TRIO: variants seen among roughly 807,000 people sequenced by gnomAD.
TRIO encodes triple functional domain protein.
In TRIO, 58 loss-of-function variants were observed where a neutral mutation model predicts 351.9. The ratio of observed to expected loss-of-function variants is 0.16; its 90% CI spans 0.13 to 0.21. The LOEUF (loss-of-function observed/expected upper bound fraction) is 0.21. Among genes scored for constraint, TRIO ranks in the 10% least tolerant of loss-of-function variants. TRIO has a pLI of 1.00. For missense variants in TRIO, 3,201 were observed against 4,027.8 expected (o/e 0.79, Z 5.56); for synonymous variants, 1,758 against 1,595.7 (o/e 1.10, Z -2.42).
chr5:14,359,009 A>G (rs892886344), intron 12 of TRIO, among the ~76,000 whole-genome samples: 3 of 152,254 alleles, frequency 2.0e-5, no homozygotes, highest in Admixed American at 6.5e-5. Flanking sequence ...TCTCGTGTCC[A>G]ATATGACTCT....
chr5:14,418,432 CAGAG>C (rs1391892370), intron 33 of TRIO, among the ~76,000 whole-genome samples: 1 of 152,090 alleles, frequency 6.6e-6, no homozygotes. Flanking sequence ...TATGGGAGTG[CAGAG>C]AAAGGAAGTG....
chr5:14,480,198 T>G (rs553127018), intron 43 of TRIO, among the ~76,000 whole-genome samples, 187 bp downstream of exon 43: 93 of 152,236 alleles, frequency 6.1e-4, no homozygotes, highest in African/African-American at 2.1e-3. Context: ...CGGGACAGAC[T>G]CTGGTGTCAG....
rs1278495904 is a variant in TRIO at position 14,347,391 on chromosome 5, G to GCGGACC, written c.2046+10664_2046+10665insCGGACC. On this transcript the variant is annotated intron_variant, in intron 11 of 56. Transcript: ENST00000344204. ...GATGATGCTGGACCAGTCATCTCAG[G>GCGGACC]TGGACCTGAGGTCCTGCAGAACAGA... is the stretch of plus-strand genomic sequence containing the variant. 6.8e-4 allele frequency among the ~76,000 whole-genome samples: 99 copies of GCGGACC among 145,644 alleles called. 37 individuals carry two copies. Among genetic ancestry groups the GCGGACC allele is most frequent in the Admixed American group, 8.1e-4 (12 of 14,754 alleles).
chr5:14,409,051 G>T (rs1273652904), intron 33 of TRIO, among the ~76,000 whole-genome samples: 1 of 152,010 alleles, frequency 6.6e-6, no homozygotes, highest in Non-Finnish European at 1.5e-5. Context: ...TCCAGGAAGG[G>T]GCTCTGGAGT....
chr5:14,470,156 A>G (rs2126544670), intron 37 of TRIO, among the ~76,000 whole-genome samples: 1 of 152,338 alleles, frequency 6.6e-6, no homozygotes, highest in South Asian at 2.1e-4. Context: ...TTTCAAAAAT[A>G]AGATCAGCAG....
intron 16 of TRIO, 128 bp from the exon 17 acceptor site, chr5:14,368,580 C>A (rs1744802176): frequency 1.0e-6 from 1 of 988,012 alleles, no homozygotes; most frequent in Non-Finnish European, 1.5e-6. Flanking sequence ...TAGAAGCATC[C>A]TAGTGAGTAT....
chr5:14,221,771 A>C (rs1351462321), intron 1 of TRIO, among the ~76,000 whole-genome samples: 1 of 151,824 alleles, frequency 6.6e-6, no homozygotes, highest in African/African-American at 2.4e-5. Context: ...TTTGAGATGG[A>C]ATCTACACTT....
chr5:14,300,914 A>G (rs1191986450), intron 7 of TRIO, among the ~76,000 whole-genome samples: 1 of 152,176 alleles, frequency 6.6e-6, no homozygotes, highest in African/African-American at 2.4e-5. Context: ...AATCTAGGAA[A>G]TTTCCGTCCC....
chr5:14,221,804 T>C (rs1474036550), intron 1 of TRIO, among the ~76,000 whole-genome samples: 1 of 152,232 alleles, frequency 6.6e-6, no homozygotes, highest in African/African-American at 2.4e-5. Context: ...GTGAACTTGG[T>C]TGAAGTGACA....
chr5:14,212,670 A>G (rs114553568), intron 1 of TRIO, among the ~76,000 whole-genome samples: 2,241 of 152,220 alleles, frequency 0.015, 38 homozygotes, highest in African/African-American at 0.05. Flanking sequence ...TGTCCCCCCA[A>G]TCCCCAAAAT....
Position 14,359,373 on chromosome 5 carries a change from A to G in TRIO, c.2233A>G (p.Ser745Gly). 6.2e-7 allele frequency: 1 copy of G among 1,613,534 alleles called. No individual in the cohort carries two copies. Among genetic ancestry groups the G allele is most frequent in the South Asian group, 1.1e-5 (1 of 91,076 alleles). The change falls in exon 13 of 57, where the codon AGT (serine) becomes GGT (glycine). Residue 745 changes from serine to glycine, a missense_variant. By Grantham distance (56) the Ser-to-Gly change is moderately conservative (BLOSUM62 0). Transcript: ENST00000344204. ...CTCTCGCAGGGACTCTGCCATCTCC[A>G]GTAACAAGACCCCCCACAACAGCTC... is the stretch of plus-strand genomic sequence containing the variant. ...IQQLRDSAIS[S>G]NKTPHNSSIN...
At chr5:14,494,904 A>C (rs1756762473) in intron 49 of TRIO, among the ~76,000 whole-genome samples, 1 of 152,214 alleles carries the variant, frequency 6.6e-6, no homozygotes, top group South Asian at 2.1e-4. Context: ...GTCTCAAAAA[A>C]AGGAAAAGAA....
At chr5:14,179,735 C>A (rs1789636525) in intron 1 of TRIO, among the ~76,000 whole-genome samples, 1 of 152,190 alleles carries the variant, frequency 6.6e-6, no homozygotes, top group South Asian at 2.1e-4. Context: ...CACACCCAGC[C>A]TCAATCTGGA....
chr5:14,203,396 C>A (rs555160548), intron 1 of TRIO, among the ~76,000 whole-genome samples: 1 of 152,280 alleles, frequency 6.6e-6, no homozygotes, highest in South Asian at 2.1e-4. Context: ...ACTACAAAAG[C>A]CTTACAAAAC....
At chr5:14,323,047 A>G (rs1740028955) in intron 9 of TRIO, among the ~76,000 whole-genome samples, 1 of 152,128 alleles carries the variant, frequency 6.6e-6, no homozygotes, top group African/African-American at 2.4e-5. Context: ...TGCAGATTTA[A>G]CAGTGAGAGG....
intron 40 of TRIO, among the ~76,000 whole-genome samples, chr5:14,474,402 G>A (rs922425953): frequency 9.9e-5 from 15 of 152,182 alleles, no homozygotes; most frequent in Non-Finnish European, 1.8e-4. Context: ...CGAGCCCTCG[G>A]CCTCCCTGCT....
chr5:14,223,952 TGA>T (rs899745579), intron 1 of TRIO, among the ~76,000 whole-genome samples: 2 of 152,190 alleles, frequency 1.3e-5, no homozygotes, highest in African/African-American at 4.8e-5. Flanking sequence ...ATGCTTGTCT[TGA>T]TATCCAGGAA....
chr5:14,299,976 G>T (rs1262713015), intron 7 of TRIO, among the ~76,000 whole-genome samples: 2 of 152,240 alleles, frequency 1.3e-5, no homozygotes, highest in Non-Finnish European at 2.9e-5. Flanking sequence ...GTTAAAGCTA[G>T]ATGAGAATGA....
At chr5:14,250,279 C>T (rs1362561199) in intron 1 of TRIO, among the ~76,000 whole-genome samples, 31 of 152,174 alleles carry the variant, frequency 2.0e-4, no homozygotes, top group Non-Finnish European at 2.9e-5. Flanking sequence ...GCCACCTCTG[C>T]GCTGCCAGCA....
Sources: gnomAD v4.1 joint callset for allele counts (sites outside exome capture counted in the v4.1 genomes callset) on GRCh38, gnomAD v4.1.1 for gene constraint, MANE v1.5 for transcripts, NCBI Gene and HGNC (gene_info 2026-07-23, HGNC 2026-07-21) for gene names.